RMDN1: variants seen among roughly 807,000 people sequenced by gnomAD.
RMDN1 encodes regulator of microtubule dynamics 1.
Under a neutral mutation model 48.9 loss-of-function variants are expected in RMDN1, and 48 were observed. The observed-to-expected ratio is 0.98, with a 90% CI of 0.78 to 1.25. The LOEUF (loss-of-function observed/expected upper bound fraction) is 1.25. Among genes scored for constraint, RMDN1 ranks in the 50% most tolerant of loss-of-function variants. RMDN1 has a pLI of 0.00. For missense variants in RMDN1, 418 were observed against 373.4 expected, an observed-to-expected ratio of 1.12 and a Z score of -0.98; for synonymous variants, 148 against 132.6, an observed-to-expected ratio of 1.12 and a Z score of -0.80.
Position 86,472,768 on chromosome 8 carries a change from A to G in RMDN1, c.*1540T>C, listed in dbSNP as rs1042320680. On this transcript the variant is annotated 3_prime_UTR_variant, in exon 10 of 10. Coordinates refer to ENST00000406452, the MANE Select transcript of RMDN1 (RefSeq NM_016033.3). ...ATAACTGCTTATTGGTAGCATATAC[A>G]TTCAGTCAGGAATGATGGTGACATC... The G allele has an allele frequency of 2.0e-4, 63 of 318,108 alleles. No individual in the cohort carries two copies. The highest frequency in any genetic ancestry group is 1.2e-3 in the African/African-American group (57 of 46,868). The allele number at this position is 318,108 out of a possible 1,614,324, so 19.7% of individuals were successfully genotyped here.
Position 86,478,964 on chromosome 8 carries a change from T to C in RMDN1, c.688A>G (p.Lys230Glu), listed in dbSNP as rs1813865286. 6.2e-7 allele frequency: 1 copy of C among 1,614,068 alleles called. No homozygotes were observed. Among genetic ancestry groups the C allele is most frequent in the Non-Finnish European group, 8.5e-7 (1 of 1,179,944 alleles). ...CTAGGAGGAGTTGCAAACAGCATTT[T>C]AGCAATTCTTCTTTGATACCAAGGC... ...EMPWYQRRIA[K>E]MLFATPPSST... Residue 230 changes from lysine (K) to glutamate (E), a missense_variant, in exon 7 of 10, where the codon AAA (lysine) becomes GAA (glutamate). Coordinates refer to ENST00000406452, the MANE Select transcript of RMDN1 (RefSeq NM_016033.3).
Position 86,503,308 on chromosome 8 carries a change from C to T in RMDN1, c.247+3687G>A, listed in dbSNP as rs757001484. ...CAGAGGTTGCAGGGAGCCGAGATCGCACCACTGCACTCCAGCCTGAGCAAT... is the reference window on the plus strand; with the variant it reads ...CAGAGGTTGCAGGGAGCCGAGATCGTACCACTGCACTCCAGCCTGAGCAAT... On this transcript the variant is annotated intron_variant, in intron 2 of 9. Transcript: ENST00000406452. Among the ~76,000 whole-genome samples the T allele has an allele frequency of 6.7e-5, 10 of 150,020 alleles. No individual in the cohort carries two copies. In the South Asian group the frequency reaches 1.0e-3, roughly 16 times the overall value.
intron 2 of RMDN1, chr8:86,503,670 G>A: frequency 2.1e-6 from 1 of 482,922 alleles, no homozygotes; most frequent in Non-Finnish European, 4.1e-6. Flanking sequence ...GGAGTCATCA[G>A]TGCTCCTGAG....
At chr8:86,493,064 C>A (rs948773359) in intron 2 of RMDN1, among the ~76,000 whole-genome samples, 3 of 149,792 alleles carry the variant, frequency 2.0e-5, no homozygotes, top group Non-Finnish European at 4.4e-5. Flanking sequence ...TAAGGGCCAG[C>A]GAAGTTATAT....
At chr8:86,496,006 T>C (rs975542646) in intron 2 of RMDN1, among the ~76,000 whole-genome samples, 1 of 151,968 alleles carries the variant, frequency 6.6e-6, no homozygotes, top group African/African-American at 2.4e-5. Flanking sequence ...TTCAACATCC[T>C]TAAAGAAAAA....
chr8:86,474,726 G>C, intron 9 of RMDN1, 94 bp downstream of exon 9: 1 of 1,088,606 alleles, frequency 9.2e-7, no homozygotes, highest in Non-Finnish European at 1.4e-6. Flanking sequence ...ACAATATTAT[G>C]CATTTAGAAA....
chr8:86,482,521 TC>T lies in RMDN1; in HGVS notation c.586-2190del, dbSNP rs1194373276. On this transcript the variant is annotated intron_variant, in intron 5 of 9. Transcript: ENST00000406452. Reference sequence around the variant, plus strand: ...GGTCATTTAATTCTGTCACACATAATCATAGTATCACTAAGTGAATGTCATC... The same window carrying T: ...GGTCATTTAATTCTGTCACACATAATATAGTATCACTAAGTGAATGTCATC... The T allele has an allele frequency of 8.2e-4, 569 of 697,686 alleles. 11 individuals carry two copies. Among genetic ancestry groups the T allele is most frequent in the South Asian group, 7.9e-3 (556 of 70,776 alleles). 43.2% of individuals were successfully genotyped at this position (697,686 alleles called of 1,614,324 possible).
At chr8:86,479,043 A>G (rs1468639554) in intron 6 of RMDN1, 33 bp from the exon 7 acceptor site, 2 of 1,456,294 alleles carry the variant, frequency 1.4e-6, no homozygotes, top group African/African-American at 2.8e-5. Context: ...TATACATTCA[A>G]ATTGTACCTT....
chr8:86,511,824 A>AG (rs1414601873), upstream of RMDN1, among the ~76,000 whole-genome samples: 4 of 145,868 alleles, frequency 2.7e-5, no homozygotes, highest in Non-Finnish European at 4.4e-5. Flanking sequence ...CTCAAAAAAA[A>AG]AAAAAGAAAA....
chr8:86,510,268 C>A (rs913865205), upstream of RMDN1, among the ~76,000 whole-genome samples: 1 of 152,062 alleles, frequency 6.6e-6, no homozygotes, highest in Non-Finnish European at 1.5e-5. Flanking sequence ...TTACTTAGTC[C>A]CAGTTTAATT....
chr8:86,475,069 T>TA (rs1204107587), intron 8 of RMDN1, 116 bp from the exon 9 acceptor site: 5 of 748,610 alleles, frequency 6.7e-6, no homozygotes, highest in Non-Finnish European at 1.1e-5. Flanking sequence ...GTGATTAGAC[T>TA]AATGGGAATT....
intron 5 of RMDN1, chr8:86,482,951 C>A: frequency 1.3e-6 from 1 of 776,118 alleles, no homozygotes; most frequent in Non-Finnish European, 2.3e-6. Context: ...CGGACGAGGT[C>A]CCCGGCGGAC....
chr8:86,479,444 T>C (rs1014651802), intron 6 of RMDN1, among the ~76,000 whole-genome samples: 2 of 152,222 alleles, frequency 1.3e-5, no homozygotes, highest in African/African-American at 4.8e-5. Context: ...CTTAAATCTA[T>C]TTTTAAAGCA....
chr8:86,468,596 A>G, downstream of RMDN1: 2 of 443,992 alleles, frequency 4.5e-6, no homozygotes, highest in South Asian at 3.2e-5. Flanking sequence ...CATTCATTGT[A>G]GGTATGATTT....
intron 2 of RMDN1, chr8:86,504,414 G>GCT: frequency 6.4e-7 from 1 of 1,560,272 alleles, no homozygotes; most frequent in Non-Finnish European, 8.8e-7. Flanking sequence ...TTGTGCTCCA[G>GCT]CTCTCTCGAC....
chr8:86,493,938 G>A (rs1205467613), intron 2 of RMDN1, among the ~76,000 whole-genome samples: 1 of 152,068 alleles, frequency 6.6e-6, no homozygotes, highest in Admixed American at 6.6e-5. Flanking sequence ...CTAGTCCCAA[G>A]CAGTTTGGAT....
chr8:86,499,651 A>G (rs888867749), intron 2 of RMDN1, among the ~76,000 whole-genome samples: 1 of 151,780 alleles, frequency 6.6e-6, no homozygotes, highest in African/African-American at 2.4e-5. Flanking sequence ...TATTCCTGTC[A>G]AACTACCAAT....
chr8:86,508,418 A>G, intron 1 of RMDN1, 74 bp downstream of exon 1: 1 of 1,446,918 alleles, frequency 6.9e-7, no homozygotes, highest in Non-Finnish European at 9.2e-7. Context: ...CGGGGCCGCC[A>G]CCACTTAAGT....
At chr8:86,486,341 TA>T (rs1479010044) in intron 4 of RMDN1, 142 bp downstream of exon 4, 2 of 474,654 alleles carry the variant, frequency 4.2e-6, no homozygotes, top group Non-Finnish European at 6.8e-6. Context: ...ATAGAGAAAT[TA>T]TCCTTAAGAT....
Sources: allele counts gnomAD v4.1 joint callset (sites outside exome capture counted in the v4.1 genomes callset), GRCh38; gene constraint gnomAD v4.1.1; transcripts MANE v1.5; gene names NCBI Gene and HGNC (gene_info 2026-07-23, HGNC 2026-07-21).